Variants in UBE4B observed in about 807,000 individuals in gnomAD.
UBE4B encodes the protein ubiquitin conjugation factor E4 B.
Under a neutral mutation model 148.1 loss-of-function variants are expected in UBE4B, and 27 were observed. The ratio of observed to expected loss-of-function variants is 0.18; its 90% CI spans 0.13 to 0.25. The LOEUF (loss-of-function observed/expected upper bound fraction) is 0.25. Ranked by LOEUF, UBE4B falls within the 10% of genes least tolerant of loss-of-function variation. The pLI is 1.00. For synonymous variants in UBE4B, 596 were observed against 619.3 expected, an observed-to-expected ratio of 0.96 and a Z score of 0.56; for missense variants, 1,170 against 1,662.4, an observed-to-expected ratio of 0.70 and a Z score of 5.15.
intron 1 of UBE4B, among the ~76,000 whole-genome samples, chr1:10,057,375 A>G (rs1338810940): frequency 6.6e-6 from 1 of 151,656 alleles, no homozygotes; most frequent in African/African-American, 2.4e-5. Context: ...AAAGGGTCGC[A>G]ACCTTTTTTT....
At chr1:10,115,596 C>G (rs1040608725) in intron 7 of UBE4B, among the ~76,000 whole-genome samples, 3 of 152,070 alleles carry the variant, frequency 2.0e-5, no homozygotes, top group Non-Finnish European at 1.5e-5. Flanking sequence ...ATTCCAAGGT[C>G]AATTATGTGT....
chr1:10,072,229 C>T lies in UBE4B; in HGVS notation c.211+15C>T, dbSNP rs778061362. The T allele has an allele frequency of 1.2e-6, 2 of 1,604,714 alleles. No individual in the cohort carries two copies. Among genetic ancestry groups the T allele is most frequent in the South Asian group, 2.2e-5 (2 of 89,578 alleles). ...AGGTGCATCAGGTAAGCCCAAGCTT[C>T]ATACCTGGGACTCTTTTGTAATTCT... On this transcript the variant is annotated intron_variant, in intron 2 of 27. Transcript: ENST00000343090.
In UBE4B at chr1:10,175,286, C is replaced by T. The variant is rs764198934; in HGVS notation, c.3526-3358C>T. 1.0e-3 allele frequency among the ~76,000 whole-genome samples: 153 copies of T among 152,056 alleles called. 3 individuals carry two copies. The Middle Eastern group carries it at 0.01, about 10-fold the overall frequency. On this transcript the variant is annotated intron_variant, in intron 25 of 27. Transcript: ENST00000343090. ...TTCCATGGACAGACTGCATATCTGT[C>T]GTCCATGAAGCATTGTCTGTTAACA... is the stretch of plus-strand genomic sequence containing the variant.
At chr1:10,066,041 CT>C (rs1433890805) in intron 1 of UBE4B, among the ~76,000 whole-genome samples, 92 of 144,394 alleles carry the variant, frequency 6.4e-4, no homozygotes, top group African/African-American at 2.1e-3. Context: ...CCCTCCCCCC[CT>C]CCTTCCCTCC....
intron 1 of UBE4B, among the ~76,000 whole-genome samples, chr1:10,037,594 A>G (rs542753959): frequency 2.0e-5 from 3 of 151,506 alleles, no homozygotes; most frequent in South Asian, 2.1e-4. Flanking sequence ...GTCTGGCTCT[A>G]TCGCCCAGTC....
intron 22 of UBE4B, among the ~76,000 whole-genome samples, chr1:10,159,283 C>T (rs1432676210): frequency 2.0e-5 from 3 of 152,128 alleles, no homozygotes; most frequent in Non-Finnish European, 4.4e-5. Flanking sequence ...CTGCTTAAAC[C>T]TGGACATTAG....
intron 25 of UBE4B, among the ~76,000 whole-genome samples, chr1:10,176,071 G>A (rs1476617896): frequency 2.6e-5 from 4 of 152,008 alleles, no homozygotes; most frequent in African/African-American, 4.8e-5. Flanking sequence ...CACCTCTCCG[G>A]GATATTTCAT....
intron 1 of UBE4B, among the ~76,000 whole-genome samples, chr1:10,058,321 G>C (rs1644218002): frequency 1.3e-5 from 2 of 152,124 alleles, no homozygotes; most frequent in African/African-American, 4.8e-5. Flanking sequence ...TGAGATTGCA[G>C]GGTGACCGTG....
At chr1:10,126,462 G>A (rs1394004726) in intron 10 of UBE4B, among the ~76,000 whole-genome samples, 1 of 152,196 alleles carries the variant, frequency 6.6e-6, no homozygotes, top group Non-Finnish European at 1.5e-5. Flanking sequence ...ATTGAGTAGA[G>A]CAACGACTCC....
intron 2 of UBE4B, among the ~76,000 whole-genome samples, chr1:10,088,144 C>T (rs937071264): frequency 2.0e-5 from 3 of 152,100 alleles, no homozygotes; most frequent in African/African-American, 7.2e-5. Context: ...TTTCCTGCCC[C>T]AGCCCTAGAA....
intron 2 of UBE4B, among the ~76,000 whole-genome samples, chr1:10,084,702 T>G (rs1225803801): frequency 6.6e-6 from 1 of 151,672 alleles, no homozygotes; most frequent in Non-Finnish European, 1.5e-5. Context: ...TTTCTTTTTT[T>G]TCTTTTTTTT....
At chr1:10,179,135 C>T (rs1357576449) in intron 26 of UBE4B, 2 of 489,128 alleles carry the variant, frequency 4.1e-6, no homozygotes, top group African/African-American at 2.0e-5. Context: ...AGCCTGCCGT[C>T]CTCGCCACGG....
At chr1:10,080,710 A>G (rs1052985495) in intron 2 of UBE4B, among the ~76,000 whole-genome samples, 1 of 152,246 alleles carries the variant, frequency 6.6e-6, no homozygotes, top group East Asian at 1.9e-4. Flanking sequence ...TGTATCCACA[A>G]TGGAATATTA....
At chr1:10,075,644 C>T (rs1644564567) in intron 2 of UBE4B, among the ~76,000 whole-genome samples, 1 of 152,174 alleles carries the variant, frequency 6.6e-6, no homozygotes, top group South Asian at 2.1e-4. Context: ...TTCATAATCA[C>T]AAACAGTTGG....
In UBE4B at chr1:10,066,854, C is replaced by T. The variant is rs146125859; in HGVS notation, c.25-5174C>T. On this transcript the variant is annotated intron_variant, in intron 1 of 27. Transcript: ENST00000343090. ...CCGGGAGGCAGAGGTTGCAGTGAGC[C>T]AAGATCACGCTACCGCACTCCAACC... Among the ~76,000 whole-genome samples the T allele has an allele frequency of 2.3e-3, 350 of 152,008 alleles. 4 individuals are homozygous for T. The highest frequency in any genetic ancestry group is 3.5e-3 in the Non-Finnish European group (239 of 67,962).
At position 10,169,486 on chromosome 1, in the gene UBE4B, A is replaced by G. The variant is rs1323457080; in HGVS notation, c.3333+1216A>G. On this transcript the variant is annotated intron_variant, in intron 24 of 27. Coordinates refer to ENST00000343090, the MANE Select transcript of UBE4B (RefSeq NM_001105562.3). ...ATAAACAGATTTCAGTGCAAGAGCC[A>G]TGGAACACGAAACAAAACAGCTCAG... is the stretch of plus-strand genomic sequence containing the variant. 2.0e-5 allele frequency among the ~76,000 whole-genome samples: 3 copies of G among 152,240 alleles called. No individual in the cohort carries two copies. In the East Asian group the frequency reaches 5.8e-4, roughly 29 times the overall value.
chr1:10,166,974 A>C (rs34277013), intron 23 of UBE4B, among the ~76,000 whole-genome samples: 17,030 of 133,552 alleles, frequency 0.13, 1,145 homozygotes, highest in African/African-American at 0.24. Flanking sequence ...CACACACAAA[A>C]AAAAAAAATT....
At chr1:10,050,628 G>A (rs752806766) in intron 1 of UBE4B, among the ~76,000 whole-genome samples, 1 of 152,122 alleles carries the variant, frequency 6.6e-6, no homozygotes, top group Non-Finnish European at 1.5e-5. Context: ...CCAAGTTCTG[G>A]CACAGGGCTT....
At chr1:10,047,928 G>A (rs139428467) in intron 1 of UBE4B, among the ~76,000 whole-genome samples, 2 of 152,288 alleles carry the variant, frequency 1.3e-5, no homozygotes, top group African/African-American at 4.8e-5. Flanking sequence ...CTAGAGTACA[G>A]TGCAGCCTCT....
Sources: gnomAD v4.1 joint callset for allele counts (sites outside exome capture counted in the v4.1 genomes callset) on GRCh38, gnomAD v4.1.1 for gene constraint, MANE v1.5 for transcripts, NCBI Gene and HGNC (gene_info 2026-07-23, HGNC 2026-07-21) for gene names.